Variants in ROS1 observed in about 807,000 individuals in gnomAD.
ROS1 encodes the protein ROS proto-oncogene 1, receptor tyrosine kinase, also known as proto-oncogene tyrosine-protein kinase ROS.
In ROS1, 263 loss-of-function variants were observed where a neutral mutation model predicts 273.5. The ratio of observed to expected loss-of-function variants is 0.96; its 90% confidence interval spans 0.87 to 1.06. The LOEUF (loss-of-function observed/expected upper bound fraction) is 1.06. Ranked by LOEUF, ROS1 falls within the 50% of genes least tolerant of loss-of-function variation. ROS1 has a pLI of 0.00. For missense variants in ROS1, 2,833 were observed against 2,751.1 expected (o/e 1.03, Z -0.67); for synonymous variants, 1,008 against 954.1 (o/e 1.06, Z -1.04).
At chr6:117,401,436 C>A (rs1773923226) in intron 7 of ROS1, among the ~76,000 whole-genome samples, 1 of 152,204 alleles carries the variant, frequency 6.6e-6, no homozygotes, top group South Asian at 2.1e-4. Flanking sequence ...TCACATCGCA[C>A]TTCCTACTTT....
In ROS1 at chr6:117,409,485, A is replaced by G; in HGVS notation, c.316+97T>C. Reference sequence around the variant, plus strand: ...TTTTTGATCATATTGAGATGCAGAAATCAAGATGTTTTGAGAGGTGTTTCG... The same window carrying G: ...TTTTTGATCATATTGAGATGCAGAAGTCAAGATGTTTTGAGAGGTGTTTCG... On this transcript the variant is annotated intron_variant, in intron 5 of 43. Transcript: ENST00000368507. 2 of 848,098 alleles carry G rather than the reference A, an allele frequency of 2.4e-6. 1 individual carries two copies. The highest frequency in any genetic ancestry group is 4.4e-4 in the Middle Eastern group (2 of 4,534). 52.5% of individuals were successfully genotyped at this position (848,098 alleles called of 1,614,324 possible). A position where few individuals can be genotyped will look rare whatever the true frequency, so the allele number is the denominator to read the frequency against.
chr6:117,359,534 G>A (rs375696983), intron 24 of ROS1, among the ~76,000 whole-genome samples: 82 of 151,920 alleles, frequency 5.4e-4, no homozygotes, highest in African/African-American at 1.7e-3. Flanking sequence ...TACTAGACTG[G>A]GTTTATTAAG....
At chr6:117,333,043 C>T (rs923809972) in intron 32 of ROS1, among the ~76,000 whole-genome samples, 1 of 151,136 alleles carries the variant, frequency 6.6e-6, no homozygotes, top group Non-Finnish European at 1.5e-5. Context: ...CAAAAAAAAT[C>T]AACACATCCA....
chr6:117,404,129 G>A (rs1741345037), intron 6 of ROS1, 151 bp downstream of exon 6: 1 of 687,832 alleles, frequency 1.5e-6, no homozygotes, highest in East Asian at 3.0e-5. Context: ...GCTGAGGCAG[G>A]AGAATGGTGT....
At chr6:117,311,276 G>A (rs1275310409) in intron 39 of ROS1, among the ~76,000 whole-genome samples, 159 bp from the exon 40 acceptor site, 1 of 152,024 alleles carries the variant, frequency 6.6e-6, no homozygotes, top group Non-Finnish European at 1.5e-5. Flanking sequence ...TTCAAACAAA[G>A]AGGAAAACAA....
At chr6:117,293,334 A>C (rs1773975475) in intron 43 of ROS1, among the ~76,000 whole-genome samples, 1 of 152,236 alleles carries the variant, frequency 6.6e-6, no homozygotes, top group African/African-American at 2.4e-5. Flanking sequence ...AATGCTGGAG[A>C]ACCTACTACA....
At position 117,389,654 on chromosome 6, in the gene ROS1, A is replaced by C. The variant is rs1052686011; in HGVS notation, c.1482T>G (p.Ser494=). The C allele has an allele frequency of 1.9e-6, 3 of 1,614,226 alleles. No individual in the cohort carries two copies. The highest frequency in any genetic ancestry group is 3.3e-5 in the Admixed American group (2 of 60,028). The part of the protein sequence containing the change: ...QVFMSTFLDG[S]ASHLILPRIP... ...TGCGAGGTAGGATGAGATGGGAAGC[A>C]GAGCCATCCAGAAATGTTGACATGA... The change falls in exon 13 of 44, where the codon TCT becomes TCG. Residue 494 remains serine, a synonymous_variant. Coordinates refer to ENST00000368507, the MANE Select transcript of ROS1 (RefSeq NM_001378902.1).
chr6:117,390,738 C>G (rs9401002), intron 12 of ROS1, among the ~76,000 whole-genome samples: 7,905 of 152,118 alleles, frequency 0.052, 280 homozygotes, highest in East Asian at 0.12. Context: ...AGAAATACCC[C>G]ACACATGACT....
chr6:117,400,089 C>T (rs1164595054), intron 7 of ROS1, among the ~76,000 whole-genome samples: 1 of 152,186 alleles, frequency 6.6e-6, no homozygotes, highest in Non-Finnish European at 1.5e-5. Context: ...TCTATGCTTC[C>T]AGCAGATGGC....
At chr6:117,348,564 C>T (rs1430337589) in intron 27 of ROS1, among the ~76,000 whole-genome samples, 1 of 151,714 alleles carries the variant, frequency 6.6e-6, no homozygotes, top group Non-Finnish European at 1.5e-5. Context: ...CTATTGATTT[C>T]CTGTTTCAAT....
chr6:117,328,771 G>A (rs141122583), intron 33 of ROS1: 5 of 613,772 alleles, frequency 8.1e-6, no homozygotes, highest in Middle Eastern at 5.5e-4. Flanking sequence ...GTCTGAGGCT[G>A]TTCATCAGTG....
Position 117,288,452 on chromosome 6 carries a change from A to G in ROS1, c.*40T>C, listed in dbSNP as rs1377638781. 6.6e-7 allele frequency: 1 copy of G among 1,506,440 alleles called. No homozygotes were observed. The highest frequency in any genetic ancestry group is 9.0e-7 in the Non-Finnish European group (1 of 1,105,264). The allele number at this position is 1,506,440 out of a possible 1,614,324, so 93.3% of individuals were successfully genotyped here. On this transcript the variant is annotated 3_prime_UTR_variant, in exon 44 of 44. Coordinates refer to ENST00000368507, the MANE Select transcript of ROS1 (RefSeq NM_001378902.1). ...GTTTTCTTTCAGTAACTACTGAATG[A>G]GAGTGTTTATCTCAACTCTCTATTT...
chr6:117,401,385 G>C (rs957753102), intron 7 of ROS1, among the ~76,000 whole-genome samples: 8 of 152,152 alleles, frequency 5.3e-5, no homozygotes, highest in East Asian at 3.9e-4. Context: ...CTCCTTATCA[G>C]GGTCAGTATG....
intron 36 of ROS1, among the ~76,000 whole-genome samples, chr6:117,320,942 C>T (rs1444542685): frequency 6.6e-6 from 1 of 152,160 alleles, no homozygotes; most frequent in African/African-American, 2.4e-5. Flanking sequence ...TCCTCTCAAA[C>T]ACTGCCTCCA....
chr6:117,335,023 G>T (rs552797838), intron 32 of ROS1, among the ~76,000 whole-genome samples: 1 of 152,154 alleles, frequency 6.6e-6, no homozygotes, highest in South Asian at 2.1e-4. Flanking sequence ...CTTCTGTACA[G>T]CAAAAGAAAC....
At chr6:117,319,234 T>C (rs1277316190) in intron 37 of ROS1, among the ~76,000 whole-genome samples, 4 of 152,116 alleles carry the variant, frequency 2.6e-5, no homozygotes, top group African/African-American at 9.7e-5. Context: ...TGATAAATAA[T>C]CATGTAGTCA....
intron 15 of ROS1, among the ~76,000 whole-genome samples, chr6:117,386,552 A>G (rs960527039): frequency 5.9e-5 from 9 of 152,232 alleles, no homozygotes; most frequent in African/African-American, 1.9e-4. Flanking sequence ...TAGCAAATGC[A>G]CAGTAAATTA....
intron 31 of ROS1, 112 bp from the exon 32 acceptor site, chr6:117,337,452 T>G: frequency 3.8e-6 from 3 of 786,270 alleles, no homozygotes; most frequent in South Asian, 3.9e-5. Context: ...TCTTTTCTAT[T>G]AAAGAATAAG....
At chr6:117,329,261 C>T (rs1186480352) in intron 33 of ROS1, 68 bp downstream of exon 33, 6 of 759,538 alleles carry the variant, frequency 7.9e-6, no homozygotes, top group Non-Finnish European at 1.3e-5. Context: ...AATAGTGTTA[C>T]TTTTGATTAC....
Sources: gnomAD v4.1 joint callset for allele counts (sites outside exome capture counted in the v4.1 genomes callset) on GRCh38, gnomAD v4.1.1 for gene constraint, MANE v1.5 for transcripts, NCBI Gene and HGNC (gene_info 2026-07-23, HGNC 2026-07-21) for gene names.